The following DMD variants were observed in gnomAD, a reference collection of about 807,000 sequenced individuals.
DMD encodes the protein dystrophin, also known as mutant dystrophin.
In DMD, 63 loss-of-function variants were observed where a neutral mutation model predicts 330.1. The ratio of observed to expected loss-of-function variants is 0.19; its 90% CI spans 0.16 to 0.24. The LOEUF (loss-of-function observed/expected upper bound fraction) is 0.24. Among genes scored for constraint, DMD ranks in the 10% least tolerant of loss-of-function variants. The pLI is 1.00. For missense variants in DMD, 3,344 were observed against 2,684.1 expected (o/e 1.25, Z -5.43); for synonymous variants, 1,223 against 959.8 (o/e 1.27, Z -5.07).
intron 42 of DMD, among the ~76,000 whole-genome samples, chrX:32,296,218 C>T (rs1404922768): frequency 9.1e-6 from 1 of 110,124 alleles, no homozygotes; most frequent in Non-Finnish European, 1.9e-5. Context: ...ATGTGAAACC[C>T]TGTCTCTACT....
At chrX:31,279,775 T>C (rs1055488484) in intron 62 of DMD, among the ~76,000 whole-genome samples, 1 of 112,524 alleles carries the variant, frequency 8.9e-6, no homozygotes, top group Non-Finnish European at 1.9e-5. Context: ...CATCAAATAG[T>C]GAGCTAAGTA....
At chrX:32,892,902 A>G (rs986219307) in intron 2 of DMD, among the ~76,000 whole-genome samples, 5 of 111,811 alleles carry the variant, frequency 4.5e-5, no homozygotes, top group Non-Finnish European at 7.5e-5. Context: ...TCTCCCACAC[A>G]TGATGCAGGA....
intron 1 of DMD, among the ~76,000 whole-genome samples, chrX:33,087,047 T>C (rs754558509): frequency 9.0e-6 from 1 of 111,508 alleles, no homozygotes; most frequent in Non-Finnish European, 1.9e-5. Flanking sequence ...CAGGTGCTTC[T>C]AAACTCACTG....
Position 32,343,907 on chromosome X carries a change from T to C in DMD, c.5587-621A>G, listed in dbSNP as rs1442843009. Among the ~76,000 whole-genome samples the C allele has an allele frequency of 3.6e-5, 4 of 112,110 alleles. No individual in the cohort carries two copies. The South Asian group carries it at 1.1e-3, about 31-fold the overall frequency. On this transcript the variant is annotated intron_variant, in intron 39 of 78. Coordinates refer to ENST00000357033, the MANE Select transcript of DMD (RefSeq NM_004006.3). ...ATTGGTGAACATAACTAATAAAAAA[T>C]TATGTGAGATAAATGCTTCTCCTTC...
intron 1 of DMD, among the ~76,000 whole-genome samples, chrX:33,234,105 C>G (rs1381504748): frequency 9.0e-6 from 1 of 111,697 alleles, no homozygotes; most frequent in Non-Finnish European, 1.9e-5. Context: ...TATACCGGTC[C>G]TCAGAGTTCC....
chrX:32,822,328 A>G (rs2078328363), intron 5 of DMD, among the ~76,000 whole-genome samples: 1 of 110,970 alleles, frequency 9.0e-6, no homozygotes, highest in Non-Finnish European at 1.9e-5. Context: ...AAATGCCACT[A>G]AGATGGTAAC....
At position 32,342,287 on chromosome X, in the gene DMD, T is replaced by C. The variant is rs202014758; in HGVS notation, c.5740-5A>G. 6 of 1,209,162 alleles carry C rather than the reference T, an allele frequency of 5.0e-6. No homozygotes were observed. The highest frequency in any genetic ancestry group is 6.7e-6 in the Non-Finnish European group (6 of 895,025). ...CTGCAATTCCCGATCAATTTCCTATTGAGCAAAACCAATACAGGGCCCAGG... is the reference window on the plus strand; with the variant it reads ...CTGCAATTCCCGATCAATTTCCTATCGAGCAAAACCAATACAGGGCCCAGG... On this transcript the variant is annotated splice_region_variant and splice_polypyrimidine_tract_variant and intron_variant, in intron 40 of 78. Coordinates refer to ENST00000357033, the MANE Select transcript of DMD (RefSeq NM_004006.3).
intron 44 of DMD, among the ~76,000 whole-genome samples, chrX:31,983,825 T>C (rs766440125): frequency 8.9e-6 from 1 of 111,886 alleles, no homozygotes; most frequent in Non-Finnish European, 1.9e-5. Context: ...CCACGTGAAG[T>C]ATGAGGTCAG....
chrX:32,216,927 A>G lies in DMD; in HGVS notation c.6427T>C (p.Trp2143Arg). 8.3e-6 allele frequency: 10 copies of G among 1,208,132 alleles called. No individual in the cohort carries two copies. Among genetic ancestry groups the G allele is most frequent in the Non-Finnish European group, 1.1e-5 (10 of 893,156 alleles). The change falls in exon 44 of 79, where the codon TGG (tryptophan) becomes CGG (arginine). Residue 2143 changes from tryptophan (W) to arginine (R), a missense_variant. Coordinates refer to ENST00000357033, the MANE Select transcript of DMD (RefSeq NM_004006.3). The part of the protein sequence containing the change: ...PENWEHAKYK[W>R]YLKELQDGIG... ...AATCAAAGACTTACCTTAAGATACC[A>G]TTTGTATTTAGCATGTTCCCAATTC...
intron 22 of DMD, among the ~76,000 whole-genome samples, chrX:32,471,168 C>T (rs904113508): frequency 2.7e-5 from 3 of 111,014 alleles, no homozygotes; most frequent in Non-Finnish European, 5.7e-5. Flanking sequence ...ATCCCAGCTA[C>T]TCAGGAGGCT....
At chrX:31,142,340 T>C (rs2036164575) in intron 76 of DMD, among the ~76,000 whole-genome samples, 1 of 111,634 alleles carries the variant, frequency 9.0e-6, no homozygotes, top group Non-Finnish European at 1.9e-5. Context: ...CCACAAACTA[T>C]ATACACGCAT....
At chrX:33,110,148 A>C (rs1569555144) in intron 1 of DMD, among the ~76,000 whole-genome samples, 1 of 110,384 alleles carries the variant, frequency 9.1e-6, no homozygotes, top group Admixed American at 9.8e-5. Flanking sequence ...CAAATCAAAA[A>C]TTTCCTCTTC....
chrX:32,706,374 A>G (rs1269948340), intron 7 of DMD, among the ~76,000 whole-genome samples: 1 of 101,670 alleles, frequency 9.8e-6, no homozygotes, highest in Admixed American at 1.0e-4. Context: ...CCTAAAACTT[A>G]AAGTATAATA....
intron 1 of DMD, among the ~76,000 whole-genome samples, chrX:33,312,017 G>A (rs2053857362): frequency 9.2e-6 from 1 of 108,685 alleles, no homozygotes; most frequent in African/African-American, 3.3e-5. Flanking sequence ...TTTTTTTTTA[G>A]CAAGAGAATT....
chrX:31,375,485 T>C (rs1212349906), intron 60 of DMD, among the ~76,000 whole-genome samples: 2 of 111,274 alleles, frequency 1.8e-5, no homozygotes, highest in African/African-American at 6.5e-5. Context: ...AGGTACACAG[T>C]TGTTATTGAG....
At chrX:32,577,276 C>T (rs774815404) in intron 13 of DMD, among the ~76,000 whole-genome samples, 2 of 112,026 alleles carry the variant, frequency 1.8e-5, no homozygotes, top group South Asian at 7.5e-4. Context: ...GAGACCAATC[C>T]TTGCCAGTAC....
chrX:33,070,766 C>A (rs1431571116), intron 1 of DMD, among the ~76,000 whole-genome samples: 1 of 96,176 alleles, frequency 1.0e-5, no homozygotes, highest in Non-Finnish European at 2.0e-5. Flanking sequence ...TAAAGAATTA[C>A]CTAAGCATCT....
chrX:33,233,028 C>G (rs2052415889), intron 1 of DMD, among the ~76,000 whole-genome samples: 1 of 110,715 alleles, frequency 9.0e-6, no homozygotes. Flanking sequence ...ATGATGGTGA[C>G]TATAATATAT....
At chrX:32,340,890 C>T (rs945136907) in intron 41 of DMD, among the ~76,000 whole-genome samples, 4 of 111,499 alleles carry the variant, frequency 3.6e-5, no homozygotes, top group East Asian at 2.8e-4. Flanking sequence ...CGCTATTTCT[C>T]GTATTCTTCC....
Sources: allele counts gnomAD v4.1 joint callset (sites outside exome capture counted in the v4.1 genomes callset), GRCh38; gene constraint gnomAD v4.1.1; transcripts MANE v1.5; gene names NCBI Gene and HGNC (gene_info 2026-07-23, HGNC 2026-07-21).